GMDS: variants seen among roughly 807,000 people sequenced by gnomAD.
GMDS encodes GDP-mannose 4,6-dehydratase.
A neutral mutation model predicts 49.9 loss-of-function variants in GMDS; 20 were observed. The observed-to-expected ratio is 0.40, with a 90% CI of 0.28 to 0.58. The LOEUF is 0.58. GMDS is among the 20% of genes least tolerant of loss of function. The pLI, the probability that GMDS is intolerant of heterozygous loss-of-function variation, is 0.42. For synonymous variants in GMDS, 177 were observed against 178.6 expected, an observed-to-expected ratio of 0.99 and a Z score of 0.07; for missense variants, 362 against 481.4, an observed-to-expected ratio of 0.75 and a Z score of 2.32.
intron 1 of GMDS, among the ~76,000 whole-genome samples, chr6:2,181,824 A>G (rs1241264709): frequency 6.6e-6 from 1 of 152,178 alleles, no homozygotes; most frequent in Non-Finnish European, 1.5e-5. Context: ...CAACATTGAA[A>G]TTAGACCAAC....
At chr6:2,106,728 T>C (rs541829487) in intron 4 of GMDS, among the ~76,000 whole-genome samples, 1 of 152,154 alleles carries the variant, frequency 6.6e-6, no homozygotes, top group South Asian at 2.1e-4. Flanking sequence ...CTGAGCGTGG[T>C]GGTGGGCACC....
chr6:1,834,440 G>A (rs1376882789), intron 7 of GMDS, among the ~76,000 whole-genome samples: 4 of 152,022 alleles, frequency 2.6e-5, no homozygotes, highest in Non-Finnish European at 5.9e-5. Flanking sequence ...GCTCCAGTTG[G>A]GATCCATCTT....
At chr6:2,010,970 T>C (rs1399503298) in intron 4 of GMDS, among the ~76,000 whole-genome samples, 2 of 152,112 alleles carry the variant, frequency 1.3e-5, no homozygotes, top group Non-Finnish European at 2.9e-5. Flanking sequence ...CTAGAGAAAT[T>C]ATTTTTTAAA....
intron 7 of GMDS, among the ~76,000 whole-genome samples, chr6:1,768,865 T>C (rs138982607): frequency 2.6e-5 from 4 of 152,366 alleles, no homozygotes; most frequent in East Asian, 3.8e-4. Context: ...CCTATTTAAC[T>C]ACTGACATTT....
intron 1 of GMDS, among the ~76,000 whole-genome samples, chr6:2,215,978 G>A (rs1158007063): frequency 6.6e-6 from 1 of 152,122 alleles, no homozygotes; most frequent in Non-Finnish European, 1.5e-5. Flanking sequence ...AAATTTGGAA[G>A]GGGATCACGG....
Position 2,117,554 on chromosome 6 carries a change from G to A in GMDS, c.150C>T (p.Val50=). 2.5e-6 allele frequency: 4 copies of A among 1,583,874 alleles called. No individual in the cohort carries two copies. The highest frequency in any genetic ancestry group is 3.5e-6 in the Non-Finnish European group (4 of 1,152,422). Residue 50 remains valine (V), a splice_region_variant and synonymous_variant, in exon 3 of 11, where the codon GTC becomes GTT. Coordinates refer to ENST00000380815, the MANE Select transcript of GMDS (RefSeq NM_001500.4). The part of the protein sequence containing the change: ...AEFLLEKGYE[V]HGIVRRSSSF... ...AACTGGACCGCCGTACAATTCCATGGACCTGAGTTTTTACAGTGTGGAAAG... is the reference window on the plus strand; with the variant it reads ...AACTGGACCGCCGTACAATTCCATGAACCTGAGTTTTTACAGTGTGGAAAG...
At chr6:1,919,259 A>T (rs1761586826) in intron 7 of GMDS, among the ~76,000 whole-genome samples, 1 of 152,222 alleles carries the variant, frequency 6.6e-6, no homozygotes, top group South Asian at 2.1e-4. Context: ...GGTCTCCCTC[A>T]CTTTTCTCTC....
rs990847163 is a variant in GMDS, at chr6:1,640,438, G to A, written c.988-15898C>T. ...GGGGTAAGGCCTTCCACGTATGCTC[G>A]CTCTCCTCCTGCCTCAGGTCCCTCT... On this transcript the variant is annotated intron_variant, in intron 9 of 10. Transcript: ENST00000380815. The surrounding 1 kb of genome is among the most constrained non-coding windows in gnomAD (Gnocchi z 4.0). Among the ~76,000 whole-genome samples the A allele has an allele frequency of 5.3e-5, 8 of 152,072 alleles. No homozygotes were observed. Among genetic ancestry groups the A allele is most frequent in the Non-Finnish European group, 8.8e-5 (6 of 68,024 alleles).
At chr6:1,751,497 G>A (rs1018386440) in intron 7 of GMDS, among the ~76,000 whole-genome samples, 2 of 152,116 alleles carry the variant, frequency 1.3e-5, no homozygotes, top group African/African-American at 4.8e-5. Flanking sequence ...TTTTTCATTT[G>A]TTTGTTTGTT....
chr6:1,914,183 G>A (rs1473194537), intron 7 of GMDS, among the ~76,000 whole-genome samples: 1 of 142,830 alleles, frequency 7.0e-6, no homozygotes, highest in African/African-American at 2.6e-5. Flanking sequence ...TGGGCTAGGC[G>A]CGGTGGCTCA....
At chr6:1,642,986 G>C (rs541418934) in intron 9 of GMDS, among the ~76,000 whole-genome samples, 1 of 152,318 alleles carries the variant, frequency 6.6e-6, no homozygotes, top group Non-Finnish European at 1.5e-5. Flanking sequence ...GGTCTTAGCA[G>C]AGTTAACACA....
intron 7 of GMDS, among the ~76,000 whole-genome samples, chr6:1,786,051 A>C (rs1769303641): frequency 6.6e-6 from 1 of 152,168 alleles, no homozygotes; most frequent in African/African-American, 2.4e-5. Context: ...TTCACGTAAA[A>C]CCAGCGTGCT....
chr6:1,752,488 C>T (rs1226033764), intron 7 of GMDS, among the ~76,000 whole-genome samples: 1 of 152,104 alleles, frequency 6.6e-6, no homozygotes, highest in Non-Finnish European at 1.5e-5. Flanking sequence ...GAGAACTTCC[C>T]CAATCTAGCA....
intron 9 of GMDS, among the ~76,000 whole-genome samples, chr6:1,711,739 C>T (rs539012450): frequency 7.9e-5 from 12 of 152,214 alleles, no homozygotes; most frequent in African/African-American, 2.9e-4. Flanking sequence ...ATACCCCTTC[C>T]GTGCCCCTTA....
Position 1,640,706 on chromosome 6 carries a change from C to T in GMDS, c.988-16166G>A, listed in dbSNP as rs1763302811. On this transcript the variant is annotated intron_variant, in intron 9 of 10. Transcript: ENST00000380815. The surrounding 1 kb of genome is among the most constrained non-coding windows in gnomAD (Gnocchi z 4.0). ...CAGGGCTGCCGACACAGCAGCCAAC[C>T]AGACACACGGGGAGCTCATGTTCTA... Among the ~76,000 whole-genome samples, 1 of 152,232 alleles carries T rather than the reference C, an allele frequency of 6.6e-6. No individual in the cohort carries two copies. Among genetic ancestry groups the T allele is most frequent in the South Asian group, 2.1e-4 (1 of 4,832 alleles).
intron 4 of GMDS, among the ~76,000 whole-genome samples, chr6:2,103,322 T>C (rs958186420): frequency 1.3e-5 from 2 of 152,174 alleles, no homozygotes; most frequent in Admixed American, 6.5e-5. Flanking sequence ...GTTGTTAAGA[T>C]ATCAAATTTA....
intron 1 of GMDS, among the ~76,000 whole-genome samples, chr6:2,161,302 C>A (rs531284088): frequency 1.3e-4 from 20 of 152,324 alleles, no homozygotes; most frequent in African/African-American, 4.8e-4. Flanking sequence ...AGCCACCACA[C>A]CCGGCCTATA....
rs574715473 is a variant in GMDS, at chr6:1,753,061, A to C, written c.772-10475T>G. Among the ~76,000 whole-genome samples, 24 of 152,354 alleles carry C rather than the reference A, an allele frequency of 1.6e-4. No individual in the cohort carries two copies. In the South Asian group the frequency reaches 4.8e-3, roughly 30 times the overall value. On this transcript the variant is annotated intron_variant, in intron 7 of 10. Transcript: ENST00000380815. ...AGTAACCTTAAATGTAAATGGGCTT[A>C]ATGCCCCAATTAAAACTTACAGACT...
chr6:1,695,815 C>T (rs1765316503), intron 9 of GMDS, among the ~76,000 whole-genome samples: 1 of 152,034 alleles, frequency 6.6e-6, no homozygotes, highest in Non-Finnish European at 1.5e-5. Context: ...GTGACTTGGC[C>T]CTGAGAACAA....
Sources: gnomAD v4.1 joint callset for allele counts (sites outside exome capture counted in the v4.1 genomes callset) on GRCh38, gnomAD v4.1.1 for gene constraint, Gnocchi (gnomAD v3.1) non-coding constraint, MANE v1.5 for transcripts, NCBI Gene and HGNC (gene_info 2026-07-23, HGNC 2026-07-21) for gene names.